WDR89: variants seen among roughly 807,000 people sequenced by gnomAD.
WDR89 encodes the protein WD repeat domain 89, also known as WD repeat-containing protein 89.
In WDR89, 17 loss-of-function variants were observed where a neutral mutation model predicts 29.1. That is an observed-to-expected ratio of 0.58 (90% CI 0.40 to 0.88). The LOEUF (loss-of-function observed/expected upper bound fraction) is 0.88, where lower values mean the gene tolerates loss of function less well. Among genes scored for constraint, WDR89 ranks in the 40% least tolerant of loss-of-function variants. The probability of loss-of-function intolerance (pLI) is 0.00; values close to 1 mark genes in which losing one functional copy is unlikely to be tolerated. For missense variants in WDR89, 396 were observed against 456.3 expected (o/e 0.87, Z 1.20); for synonymous variants, 138 against 157.8 (o/e 0.87, Z 0.94).
chr14:63,610,321 AATGAGGG>A (rs899088226), intron 2 of WDR89, among the ~76,000 whole-genome samples: 3 of 152,184 alleles, frequency 2.0e-5, no homozygotes, highest in Admixed American at 2.0e-4. Flanking sequence ...TAAATAAATA[AATGAGGG>A]AGAAGGAACA....
chr14:63,629,056 C>T (rs1388736858), intron 1 of WDR89, among the ~76,000 whole-genome samples: 1 of 152,132 alleles, frequency 6.6e-6, no homozygotes, highest in Non-Finnish European at 1.5e-5. Flanking sequence ...CTAAAATGTT[C>T]TTCCCTTCAT....
intron 2 of WDR89, among the ~76,000 whole-genome samples, chr14:63,608,703 G>C (rs1257737383): frequency 7.1e-6 from 1 of 140,038 alleles, no homozygotes; most frequent in Non-Finnish European, 1.5e-5. Context: ...CACACAAATA[G>C]GTTTAAGAAG....
intron 2 of WDR89, among the ~76,000 whole-genome samples, chr14:63,611,339 A>C (rs1881976811): frequency 6.8e-6 from 1 of 147,470 alleles, no homozygotes; most frequent in African/African-American, 2.6e-5. Context: ...CTGTCGCAAA[A>C]AAAAAAAAAA....
At chr14:63,637,219 C>A (rs1883791695) in intron 1 of WDR89, among the ~76,000 whole-genome samples, 1 of 152,128 alleles carries the variant, frequency 6.6e-6, no homozygotes, top group Non-Finnish European at 1.5e-5. Context: ...GTGATACCAC[C>A]ACACTCCTGC....
chr14:63,635,840 A>C (rs1883699367), intron 1 of WDR89, among the ~76,000 whole-genome samples: 1 of 152,220 alleles, frequency 6.6e-6, no homozygotes. Flanking sequence ...AACAGCGACC[A>C]AGCAGAGAAT....
chr14:63,597,493 G>C lies in WDR89; in HGVS notation c.*1286C>G, dbSNP rs1179601959. ...TCTGTGGCTTTCATCTTTTCTCTTT[G>C]TCTCTTTCAGTTCTACTTTCAGGAA... On this transcript the variant is annotated 3_prime_UTR_variant, in exon 3 of 3. Coordinates refer to ENST00000620954, the MANE Select transcript of WDR89 (RefSeq NM_080666.4). The C allele has an allele frequency of 6.6e-6, 1 of 151,840 alleles. No homozygotes were observed. Among genetic ancestry groups the C allele is most frequent in the African/African-American group, 2.4e-5 (1 of 41,298 alleles). 9.4% of individuals were successfully genotyped at this position (151,840 alleles called of 1,614,324 possible).
intron 2 of WDR89, among the ~76,000 whole-genome samples, chr14:63,608,613 A>T (rs61984036): frequency 5.9e-5 from 9 of 151,992 alleles, no homozygotes; most frequent in African/African-American, 2.2e-4. Context: ...TTTGGAGTAC[A>T]GTGTAAATAC....
Position 63,640,065 on chromosome 14 carries a change from T to C in WDR89, c.-138+1739A>G, listed in dbSNP as rs73263632. Among the ~76,000 whole-genome samples, 1,129 of 152,342 alleles carry C rather than the reference T, an allele frequency of 7.4e-3. 15 individuals carry two copies. Among genetic ancestry groups the C allele is most frequent in the South Asian group, 0.03 (144 of 4,832 alleles). ...TAGCTACAACAATCTAAGGTAAGAA[T>C]ACAAACCAGGTAAGTAACATAGCTG... On this transcript the variant is annotated intron_variant, in intron 1 of 2. Transcript: ENST00000620954.
intron 2 of WDR89, among the ~76,000 whole-genome samples, chr14:63,608,666 G>GCACACACACACACACACACA (rs57605983): frequency 9.0e-5 from 13 of 144,748 alleles, no homozygotes; most frequent in East Asian, 4.1e-4. Flanking sequence ...TGTGGTGCAT[G>GCACACACACACACACACACA]CACACACACA....
chr14:63,637,118 T>A (rs1373689927), intron 1 of WDR89, among the ~76,000 whole-genome samples: 1 of 151,924 alleles, frequency 6.6e-6, no homozygotes, highest in Non-Finnish European at 1.5e-5. Context: ...AAGAGACAAT[T>A]CTCAAAAGAA....
At chr14:63,640,983 G>A (rs1884080423) in intron 1 of WDR89, among the ~76,000 whole-genome samples, 1 of 148,568 alleles carries the variant, frequency 6.7e-6, no homozygotes, top group Non-Finnish European at 1.5e-5. Context: ...CTATAATCCC[G>A]GCTACTCGGG....
Position 63,599,864 on chromosome 14 carries a change from G to C in WDR89, c.79C>G (p.Leu27Val), listed in dbSNP as rs1291347600. The change falls in exon 3 of 3, where the codon CTT becomes GTT. Residue 27 changes from leucine to valine, a missense_variant. Coordinates refer to ENST00000620954, the MANE Select transcript of WDR89 (RefSeq NM_080666.4). ...ACAGTCTTTGATGTGTCTATACCAAGAAGGTAAGTGGGCTCTTTGGTTCCT... is the reference window on the plus strand; with the variant it reads ...ACAGTCTTTGATGTGTCTATACCAACAAGGTAAGTGGGCTCTTTGGTTCCT... Reference protein sequence around the residue: ...SLGTKEPTYLLGIDTSKTVQA... With the variant: ...SLGTKEPTYLVGIDTSKTVQA... 6.2e-7 allele frequency: 1 copy of C among 1,614,032 alleles called. No individual in the cohort carries two copies. The highest frequency in any genetic ancestry group is 8.5e-7 in the Non-Finnish European group (1 of 1,179,986).
chr14:63,636,136 G>A (rs1311700652), intron 1 of WDR89, among the ~76,000 whole-genome samples: 2 of 152,156 alleles, frequency 1.3e-5, no homozygotes, highest in African/African-American at 4.8e-5. Flanking sequence ...TCAAACTCGG[G>A]AGGTGGAGGT....
At chr14:63,623,736 A>T (rs1312314998) in intron 2 of WDR89, among the ~76,000 whole-genome samples, 2 of 148,768 alleles carry the variant, frequency 1.3e-5, no homozygotes, top group East Asian at 3.9e-4. Context: ...AAAAAATCCA[A>T]CCACACCAAC....
Position 63,599,386 on chromosome 14 carries a change from A to G in WDR89, c.557T>C (p.Val186Ala). 1 of 1,614,202 alleles carries G rather than the reference A, an allele frequency of 6.2e-7. No homozygotes were observed. The highest frequency in any genetic ancestry group is 8.5e-7 in the Non-Finnish European group (1 of 1,180,026). Reference sequence around the variant, plus strand: ...CAGGCCATCAGATGAACCTGAGACTACCATGTTGGGATTGCTGGGATGGAA... The same window carrying G: ...CAGGCCATCAGATGAACCTGAGACTGCCATGTTGGGATTGCTGGGATGGAA... ...VRFHPSNPNMVVSGSSDGLVN... is the reference protein window; with the variant it reads ...VRFHPSNPNMAVSGSSDGLVN... Residue 186 changes from valine (V) to alanine (A), a missense_variant, in exon 3 of 3, where the codon GTA becomes GCA. Val to Ala is a moderately conservative substitution (Grantham distance 64). Coordinates refer to ENST00000620954, the MANE Select transcript of WDR89 (RefSeq NM_080666.4).
chr14:63,627,267 C>T (rs1025610838), intron 1 of WDR89, among the ~76,000 whole-genome samples: 1 of 151,944 alleles, frequency 6.6e-6, no homozygotes, highest in African/African-American at 2.4e-5. Flanking sequence ...ATCCAACAAT[C>T]TCCCATAAGC....
intron 2 of WDR89, among the ~76,000 whole-genome samples, chr14:63,605,201 T>C (rs1369996022): frequency 1.7e-5 from 2 of 116,424 alleles, no homozygotes; most frequent in African/African-American, 4.6e-5. Flanking sequence ...CACACATATA[T>C]ACATACACAT....
At chr14:63,619,580 CA>C (rs1232646539) in intron 2 of WDR89, among the ~76,000 whole-genome samples, 1 of 151,790 alleles carries the variant, frequency 6.6e-6, no homozygotes, top group African/African-American at 2.4e-5. Flanking sequence ...TAAAAGCAAA[CA>C]AAAAAACTAA....
intron 1 of WDR89, chr14:63,630,921 G>A (rs1883358840): frequency 6.6e-6 from 1 of 151,926 alleles, no homozygotes; most frequent in Non-Finnish European, 1.5e-5. Context: ...GACTACAGGT[G>A]ATGCCACCAT....
Sources: allele counts gnomAD v4.1 joint callset (sites outside exome capture counted in the v4.1 genomes callset), GRCh38; gene constraint gnomAD v4.1.1; transcripts MANE v1.5; gene names NCBI Gene and HGNC (gene_info 2026-07-23, HGNC 2026-07-21).